Variants in VPS35L observed in about 807,000 individuals in gnomAD.
VPS35L encodes the protein VPS35 endosomal protein-sorting factor-like.
Under a neutral mutation model 133.0 loss-of-function variants are expected in VPS35L, and 83 were observed. The ratio of observed to expected loss-of-function variants is 0.62; its 90% CI spans 0.52 to 0.75. The LOEUF (loss-of-function observed/expected upper bound fraction) is 0.75. Among genes scored for constraint, VPS35L ranks in the 30% least tolerant of loss-of-function variants. The probability of loss-of-function intolerance (pLI) is 0.00; values close to 1 mark genes in which losing one functional copy is unlikely to be tolerated. For synonymous variants in VPS35L, 423 were observed against 449.9 expected (o/e 0.94, Z 0.76); for missense variants, 1,083 against 1,206.8 (o/e 0.90, Z 1.52).
chr16:19,604,020 C>T (rs570460299), intron 9 of VPS35L, among the ~76,000 whole-genome samples: 1 of 152,310 alleles, frequency 6.6e-6, no homozygotes, highest in East Asian at 1.9e-4. Context: ...GCATGAGCCA[C>T]CACGCCCGGC....
chr16:19,579,282 C>A, intron 6 of VPS35L, 154 bp downstream of exon 6: 2 of 668,602 alleles, frequency 3.0e-6, no homozygotes, highest in Non-Finnish European at 5.0e-6. Flanking sequence ...GGGAAGGGTG[C>A]CAGTGTGCAG....
chr16:19,654,219 C>T (rs1423730211), intron 26 of VPS35L, among the ~76,000 whole-genome samples: 1 of 152,124 alleles, frequency 6.6e-6, no homozygotes, highest in African/African-American at 2.4e-5. Context: ...GCTAGAGTAG[C>T]CGCCCTGCCC....
chr16:19,575,854 T>C (rs1451931054), intron 5 of VPS35L, among the ~76,000 whole-genome samples: 1 of 138,696 alleles, frequency 7.2e-6, no homozygotes, highest in Non-Finnish European at 1.5e-5. Flanking sequence ...AAATTCCGTA[T>C]TAAAAAAATA....
At chr16:19,606,398 T>C (rs57291527) in intron 9 of VPS35L, among the ~76,000 whole-genome samples, 2 of 152,108 alleles carry the variant, frequency 1.3e-5, no homozygotes, top group Non-Finnish European at 2.9e-5. Flanking sequence ...CTCTTGAAAG[T>C]AGAAAAAAAA....
intron 1 of VPS35L, among the ~76,000 whole-genome samples, chr16:19,560,334 T>C (rs962681355): frequency 3.9e-5 from 6 of 152,250 alleles, no homozygotes; most frequent in Admixed American, 2.6e-4. Context: ...TTGTTGCATA[T>C]GAAGTCATAT....
At chr16:19,700,281 T>C (rs1976076671) in intron 30 of VPS35L, 97 bp from the exon 31 acceptor site, 2 of 1,089,760 alleles carry the variant, frequency 1.8e-6, no homozygotes, top group Admixed American at 2.2e-5. Context: ...TCTTCTCTGC[T>C]AAGAAATCTA....
chr16:19,586,900 T>C (rs1370989375), intron 7 of VPS35L, among the ~76,000 whole-genome samples: 1 of 152,190 alleles, frequency 6.6e-6, no homozygotes, highest in East Asian at 1.9e-4. Context: ...GAAAAGACTA[T>C]TGTATTAGTC....
At position 19,621,425 on chromosome 16, in the gene VPS35L, A is replaced by G. The variant is rs150508341; in HGVS notation, c.1224+4617A>G. Among the ~76,000 whole-genome samples the G allele has an allele frequency of 7.6e-3, 1,154 of 152,352 alleles. 55 individuals carry two copies. Among genetic ancestry groups the G allele is most frequent in the Admixed American group, 0.065 (991 of 15,292 alleles). Reference sequence around the variant, plus strand: ...ATTTTTACAATTTTTAGAAAAACAAATGTTACATAAATAAGTGGCATGTAG... The same window carrying G: ...ATTTTTACAATTTTTAGAAAAACAAGTGTTACATAAATAAGTGGCATGTAG... On this transcript the variant is annotated intron_variant, in intron 14 of 30. Transcript: ENST00000417362.
At chr16:19,590,134 GCCCCGCCCCC>G (rs1971996918) in intron 7 of VPS35L, among the ~76,000 whole-genome samples, 2 of 20,622 alleles carry the variant, frequency 9.7e-5, no homozygotes, top group East Asian at 1.3e-3. Context: ...TTACATTCCC[GCCCCGCCCCC>G]CCCCCCCCCC....
intron 26 of VPS35L, among the ~76,000 whole-genome samples, chr16:19,653,418 G>T (rs554170697): frequency 6.6e-6 from 1 of 152,212 alleles, no homozygotes; most frequent in South Asian, 2.1e-4. Flanking sequence ...CCTCCCAGAA[G>T]CCACATGGGG....
chr16:19,692,595 C>G (rs1975732853), intron 29 of VPS35L, among the ~76,000 whole-genome samples: 1 of 152,030 alleles, frequency 6.6e-6, no homozygotes, highest in Admixed American at 6.5e-5. Context: ...CGGAGTTTCG[C>G]TCTTGTTGCC....
At chr16:19,603,888 C>T (rs927839658) in intron 9 of VPS35L, among the ~76,000 whole-genome samples, 3 of 152,120 alleles carry the variant, frequency 2.0e-5, no homozygotes, top group Non-Finnish European at 2.9e-5. Flanking sequence ...TGCACCACCA[C>T]ACCCAGCTAA....
intron 28 of VPS35L, among the ~76,000 whole-genome samples, chr16:19,688,605 G>T (rs876184): frequency 1.3e-5 from 2 of 152,142 alleles, no homozygotes; most frequent in African/African-American, 2.4e-5. Context: ...CCGCCGCACC[G>T]TCCCCCTTCC....
chr16:19,623,762 TTTA>T (rs1321242244), intron 14 of VPS35L, among the ~76,000 whole-genome samples: 5 of 137,152 alleles, frequency 3.6e-5, no homozygotes, highest in African/African-American at 1.3e-4. Context: ...TTTTTACTTA[TTTA>T]TTTATTATTA....
At chr16:19,565,051 G>T in intron 2 of VPS35L, 101 bp downstream of exon 2, 2 of 883,204 alleles carry the variant, frequency 2.3e-6, no homozygotes, top group Non-Finnish European at 3.4e-6. Context: ...AGCCACTTTT[G>T]CATATTTGAT....
At chr16:19,561,611 G>A (rs1971031398) in intron 1 of VPS35L, among the ~76,000 whole-genome samples, 1 of 152,080 alleles carries the variant, frequency 6.6e-6, no homozygotes, top group East Asian at 1.9e-4. Context: ...TAATGAAGTT[G>A]GGAATCTAAA....
At chr16:19,663,212 GA>G (rs2151598625) in intron 26 of VPS35L, among the ~76,000 whole-genome samples, 1 of 152,284 alleles carries the variant, frequency 6.6e-6, no homozygotes, top group African/African-American at 2.4e-5. Flanking sequence ...TCTGGAGGCT[GA>G]GGCAGGAGAA....
intron 12 of VPS35L, chr16:19,611,821 T>A (rs1409476206): frequency 6.6e-6 from 1 of 152,112 alleles, no homozygotes; most frequent in Non-Finnish European, 1.5e-5. Flanking sequence ...GGACAACTTT[T>A]GAATATATTA....
intron 8 of VPS35L, among the ~76,000 whole-genome samples, chr16:19,601,304 T>C (rs1234132704): frequency 2.6e-5 from 4 of 152,030 alleles, no homozygotes; most frequent in Non-Finnish European, 5.9e-5. Flanking sequence ...TGTTGTGGAG[T>C]GGCCATGCAC....
Sources: allele counts gnomAD v4.1 joint callset (sites outside exome capture counted in the v4.1 genomes callset), GRCh38; gene constraint gnomAD v4.1.1; transcripts MANE v1.5; gene names NCBI Gene and HGNC (gene_info 2026-07-23, HGNC 2026-07-21).